FBLN1: variants seen among roughly 807,000 people sequenced by gnomAD.
FBLN1 encodes fibulin-1.
FBLN1 carries 34 observed loss-of-function variants against 89.7 expected under a neutral mutation model. That is an observed-to-expected ratio of 0.38 (90% confidence interval 0.29 to 0.50). The LOEUF is 0.50. Among genes scored for constraint, FBLN1 ranks in the 20% least tolerant of loss-of-function variants. FBLN1 has a pLI of 0.92. For synonymous variants in FBLN1, 393 were observed against 391.3 expected, an observed-to-expected ratio of 1.00 and a Z score of -0.05; for missense variants, 777 against 988.1, an observed-to-expected ratio of 0.79 and a Z score of 2.86.
chr22:45,591,275 G>A (rs921159469), intron 16 of FBLN1, among the ~76,000 whole-genome samples: 1 of 152,194 alleles, frequency 6.6e-6, no homozygotes, highest in Admixed American at 6.5e-5. Flanking sequence ...CGTTTGCGAT[G>A]AGAGGAGAGA....
Position 45,502,965 on chromosome 22 carries a change from AC to A in FBLN1, c.-19del. The A allele has an allele frequency of 8.9e-7, 1 of 1,118,580 alleles. No individual in the cohort carries two copies. 69.3% of individuals were successfully genotyped at this position (1,118,580 alleles called of 1,614,324 possible). On this transcript the variant is annotated 5_prime_UTR_variant, in exon 1 of 17. Coordinates refer to ENST00000327858, the MANE Select transcript of FBLN1 (RefSeq NM_006486.3). Reference sequence around the variant, plus strand: ...CCCGCGCCTTTGTCCGCCGCCGCCCACCGCCCGTCGCCCGCCGCCCATGGAG... The same window carrying A: ...CCCGCGCCTTTGTCCGCCGCCGCCCACGCCCGTCGCCCGCCGCCCATGGAG...
chr22:45,586,547 CT>C (rs2089087792), intron 16 of FBLN1, among the ~76,000 whole-genome samples: 3 of 152,232 alleles, frequency 2.0e-5, no homozygotes, highest in Admixed American at 2.0e-4. Flanking sequence ...AGACGTCTGC[CT>C]TGCACAAAGG....
At chr22:45,559,703 G>A (rs1246353910) in intron 14 of FBLN1, among the ~76,000 whole-genome samples, 6 of 152,162 alleles carry the variant, frequency 3.9e-5, no homozygotes, top group Admixed American at 2.0e-4. Flanking sequence ...CCACAATGAC[G>A]TTTTGGGTCC....
chr22:45,570,691 A>G (rs186955556), intron 14 of FBLN1, among the ~76,000 whole-genome samples: 4 of 152,366 alleles, frequency 2.6e-5, no homozygotes, highest in Admixed American at 2.6e-4. Context: ...AGTACTATAC[A>G]TGATCTCAAG....
At chr22:45,506,058 C>T (rs543729979) in intron 1 of FBLN1, among the ~76,000 whole-genome samples, 16 of 152,336 alleles carry the variant, frequency 1.1e-4, no homozygotes, top group African/African-American at 1.4e-4. Context: ...TGTGAGCCAC[C>T]GTGCCGGCTG....
chr22:45,507,285 T>C (rs2088035621), intron 1 of FBLN1, among the ~76,000 whole-genome samples: 1 of 152,206 alleles, frequency 6.6e-6, no homozygotes, highest in African/African-American at 2.4e-5. Context: ...TGCGGGTTAC[T>C]ACACTGTGCG....
In FBLN1 at chr22:45,530,773, T is replaced by TC. The variant is rs1041704168; in HGVS notation, c.485-492_485-491insC. Among the ~76,000 whole-genome samples the TC allele has an allele frequency of 5.9e-5, 9 of 152,218 alleles. No individual in the cohort carries two copies. The highest frequency in any genetic ancestry group is 2.2e-4 in the African/African-American group (9 of 41,522). On this transcript the variant is annotated intron_variant, in intron 4 of 16. Coordinates refer to ENST00000327858, the MANE Select transcript of FBLN1 (RefSeq NM_006486.3). This position sits in a 1 kb window ranked among gnomAD's most constrained non-coding sequence, Gnocchi z 5.4. ...TGGTCTTTCTGTTATAACTGATCTT[T>TC]TTTTTTTGAAACGGAGTCTCGCTCT... is the stretch of plus-strand genomic sequence containing the variant.
intron 2 of FBLN1, among the ~76,000 whole-genome samples, chr22:45,523,545 A>G (rs2088279594): frequency 6.6e-6 from 1 of 152,216 alleles, no homozygotes; most frequent in African/African-American, 2.4e-5. Context: ...TCTACTAAAA[A>G]TATAAAAAAT....
At chr22:45,558,935 A>T (rs1342795682) in intron 14 of FBLN1, among the ~76,000 whole-genome samples, 4 of 152,256 alleles carry the variant, frequency 2.6e-5, no homozygotes, top group Non-Finnish European at 5.9e-5. Context: ...TACTGGATCC[A>T]ATCAGCATAA....
intron 14 of FBLN1, among the ~76,000 whole-genome samples, chr22:45,555,403 C>T (rs2088775739): frequency 6.6e-6 from 1 of 151,956 alleles, no homozygotes; most frequent in South Asian, 2.1e-4. Context: ...ACAAGGAGAG[C>T]AGTCTGAGTC....
intron 16 of FBLN1, among the ~76,000 whole-genome samples, chr22:45,599,705 G>C (rs1323145293): frequency 8.5e-5 from 13 of 152,120 alleles, no homozygotes. Context: ...ATCACCTGAG[G>C]TCAGGAGTTT....
At chr22:45,547,012 A>T (rs5765464) in intron 11 of FBLN1, 73 bp from the exon 12 acceptor site, 1 of 1,609,384 alleles carries the variant, frequency 6.2e-7, no homozygotes, top group African/African-American at 1.3e-5. Flanking sequence ...TTTTCTGTTC[A>T]CTGACCCTGA....
chr22:45,510,991 G>A (rs1379468507), intron 1 of FBLN1, among the ~76,000 whole-genome samples: 1 of 152,190 alleles, frequency 6.6e-6, no homozygotes, highest in African/African-American at 2.4e-5. Context: ...TGGCCATCGG[G>A]CACCGTGTCA....
chr22:45,518,295 C>T (rs1243816225), intron 1 of FBLN1, among the ~76,000 whole-genome samples: 1 of 152,138 alleles, frequency 6.6e-6, no homozygotes, highest in Non-Finnish European at 1.5e-5. Context: ...GGCCGTGCCT[C>T]TGTCATCAGG....
chr22:45,544,428 A>C (rs1400075217), intron 11 of FBLN1, among the ~76,000 whole-genome samples: 1 of 152,198 alleles, frequency 6.6e-6, no homozygotes, highest in Non-Finnish European at 1.5e-5. Flanking sequence ...CCCCACCCGC[A>C]GAGACAGGGA....
rs1236144868 is a variant in FBLN1, at chr22:45,574,893, T to C, written c.1840+240T>C. Among the ~76,000 whole-genome samples, 1 of 149,948 alleles carries C rather than the reference T, an allele frequency of 6.7e-6. No individual in the cohort carries two copies. The highest frequency in any genetic ancestry group is 2.0e-4 in the East Asian group (1 of 5,012). On this transcript the variant is annotated intron_variant, in intron 15 of 16. Transcript: ENST00000327858. This position sits in a 1 kb window ranked among gnomAD's most constrained non-coding sequence, Gnocchi z 4.1. ...ACCTCCCGGGTTCACGCCATTCTCCTGCCTCAGCCTTCCGAGTAGCTGGGA... is the reference window on the plus strand; with the variant it reads ...ACCTCCCGGGTTCACGCCATTCTCCCGCCTCAGCCTTCCGAGTAGCTGGGA...
chr22:45,522,952 T>C (rs1602172435), intron 2 of FBLN1: 1 of 492,820 alleles, frequency 2.0e-6, no homozygotes, highest in Non-Finnish European at 3.8e-6. Flanking sequence ...CCTGGCCTCG[T>C]GGAGGCGGCA....
intron 1 of FBLN1, among the ~76,000 whole-genome samples, chr22:45,504,198 G>A (rs770874698): frequency 6.6e-6 from 1 of 151,638 alleles, no homozygotes; most frequent in Non-Finnish European, 1.5e-5. Context: ...GGGGATTCCA[G>A]GAAGGGGGCT....
At chr22:45,570,687 A>T (rs2088946060) in intron 14 of FBLN1, among the ~76,000 whole-genome samples, 1 of 152,258 alleles carries the variant, frequency 6.6e-6, no homozygotes, top group Admixed American at 6.5e-5. Flanking sequence ...GGAAAGTACT[A>T]TACATGATCT....
Sources: gnomAD v4.1 joint callset for allele counts (sites outside exome capture counted in the v4.1 genomes callset) on GRCh38, gnomAD v4.1.1 for gene constraint, Gnocchi (gnomAD v3.1) non-coding constraint, MANE v1.5 for transcripts, NCBI Gene and HGNC (gene_info 2026-07-23, HGNC 2026-07-21) for gene names.